The following HSF5 variants were observed in gnomAD, a reference collection of about 807,000 sequenced individuals.
The protein encoded by HSF5 is heat shock transcription factor 5, also known as heat shock factor protein 5.
In HSF5, 5 loss-of-function variants were observed where a neutral mutation model predicts 50.8. The observed-to-expected ratio is 0.10, with a 90% CI of 0.05 to 0.21. The LOEUF (loss-of-function observed/expected upper bound fraction) is 0.21, where lower values mean the gene tolerates loss of function less well. HSF5 is among the 10% of genes least tolerant of loss of function. The probability of loss-of-function intolerance (pLI) is 1.00; values close to 1 mark genes in which losing one functional copy is unlikely to be tolerated. For missense variants in HSF5, 564 were observed against 762.6 expected, an observed-to-expected ratio of 0.74 and a Z score of 3.07; for synonymous variants, 307 against 307.4, an observed-to-expected ratio of 1.00 and a Z score of 0.02.
intron 5 of HSF5, among the ~76,000 whole-genome samples, chr17:58,429,842 T>TAA (rs60957147): frequency 7.2e-4 from 96 of 133,674 alleles, no homozygotes; most frequent in Non-Finnish European, 8.7e-4. Flanking sequence ...CAAGACTCTG[T>TAA]AAAAAAAAAA....
At chr17:58,464,752 C>T (rs1337036195) in intron 3 of HSF5, among the ~76,000 whole-genome samples, 3 of 152,114 alleles carry the variant, frequency 2.0e-5, no homozygotes, top group Non-Finnish European at 4.4e-5. Flanking sequence ...CCTGCCTCAG[C>T]CTCCTGAGTA....
intron 5 of HSF5, among the ~76,000 whole-genome samples, chr17:58,425,321 G>T (rs761564282): frequency 6.6e-6 from 1 of 151,620 alleles, no homozygotes; most frequent in Non-Finnish European, 1.5e-5. Flanking sequence ...TCGGAAAATC[G>T]CTTGCATCTG....
intron 5 of HSF5, among the ~76,000 whole-genome samples, chr17:58,424,099 T>C (rs537408071): frequency 6.6e-6 from 1 of 152,322 alleles, no homozygotes; most frequent in South Asian, 2.1e-4. Context: ...CCTAGCCATA[T>C]AGAACAAGTA....
At chr17:58,444,837 A>C (rs2143752482) in intron 5 of HSF5, among the ~76,000 whole-genome samples, 1 of 152,354 alleles carries the variant, frequency 6.6e-6, no homozygotes, top group South Asian at 2.1e-4. Flanking sequence ...ATATTCGCTA[A>C]GGGGTTAATA....
chr17:58,477,006 C>G (rs1185813891), intron 2 of HSF5: 1 of 578,860 alleles, frequency 1.7e-6, no homozygotes, highest in Admixed American at 3.0e-5. Context: ...AACAGGCAGG[C>G]AGCTTCCCCC....
intron 5 of HSF5, among the ~76,000 whole-genome samples, chr17:58,427,280 T>C: frequency 6.6e-6 from 1 of 151,904 alleles, no homozygotes; most frequent in East Asian, 1.9e-4. Context: ...AAAATAAAAA[T>C]AAAAATGTCA....
At chr17:58,442,930 C>CA (rs1284149075) in intron 5 of HSF5, among the ~76,000 whole-genome samples, 3 of 149,398 alleles carry the variant, frequency 2.0e-5, no homozygotes, top group Admixed American at 6.7e-5. Flanking sequence ...TTTTTTGAGA[C>CA]AGAGTTTCGC....
Position 58,466,865 on chromosome 17 carries a change from C to T in HSF5, c.1020+20G>A. 6.8e-7 allele frequency: 1 copy of T among 1,464,898 alleles called. No homozygotes were observed. Among genetic ancestry groups the T allele is most frequent in the Non-Finnish European group, 9.6e-7 (1 of 1,044,134 alleles). The allele number at this position is 1,464,898 out of a possible 1,614,324, so 90.7% of individuals were successfully genotyped here. ...TTGCACATAAAGCGCGGAGCATGGCCACAGTTGCAAGAATCTTACCTGGAA... is the reference window on the plus strand; with the variant it reads ...TTGCACATAAAGCGCGGAGCATGGCTACAGTTGCAAGAATCTTACCTGGAA... On this transcript the variant is annotated intron_variant, in intron 3 of 5. Transcript: ENST00000323777.
intron 1 of HSF5, among the ~76,000 whole-genome samples, 179 bp downstream of exon 1, chr17:58,487,546 G>T (rs2143816983): frequency 6.6e-6 from 1 of 152,350 alleles, no homozygotes; most frequent in Admixed American, 6.5e-5. Flanking sequence ...TGCTGGTGCC[G>T]CTGAGAACGG....
chr17:58,478,257 C>A (rs1975045378), intron 2 of HSF5, among the ~76,000 whole-genome samples: 1 of 146,426 alleles, frequency 6.8e-6, no homozygotes, highest in African/African-American at 2.5e-5. Flanking sequence ...CATGGTGAAA[C>A]CCTGTCTCTA....
chr17:58,465,611 T>C (rs1197168675), intron 3 of HSF5, among the ~76,000 whole-genome samples: 1 of 114,152 alleles, frequency 8.8e-6, no homozygotes, highest in Non-Finnish European at 1.7e-5. Flanking sequence ...TGACTTCCTA[T>C]GTAGATTTTC....
chr17:58,484,033 T>G (rs1422876159), intron 1 of HSF5, among the ~76,000 whole-genome samples: 4 of 151,986 alleles, frequency 2.6e-5, no homozygotes, highest in Non-Finnish European at 5.9e-5. Context: ...CAAAACAAAG[T>G]TGTATTCTTG....
At chr17:58,443,947 T>C (rs1974527338) in intron 5 of HSF5, among the ~76,000 whole-genome samples, 2 of 152,196 alleles carry the variant, frequency 1.3e-5, no homozygotes, top group South Asian at 2.1e-4. Context: ...TTGTGCACTG[T>C]TTGTGAGATT....
In HSF5 at chr17:58,480,271, C is replaced by T. The variant is rs181813064; in HGVS notation, c.551-4G>A. The T allele has an allele frequency of 5.4e-4, 853 of 1,591,500 alleles. 8 individuals are homozygous for T. In the East Asian group the frequency reaches 0.011, roughly 20 times the overall value. Reference sequence around the variant, plus strand: ...AATTGTCCTACAGCCACTGGTCCTACATAAAAGAGGAAGAGCACATTTACT... The same window carrying T: ...AATTGTCCTACAGCCACTGGTCCTATATAAAAGAGGAAGAGCACATTTACT... On this transcript the variant is annotated splice_polypyrimidine_tract_variant and splice_region_variant and intron_variant, in intron 1 of 5. Transcript: ENST00000323777.
intron 1 of HSF5, among the ~76,000 whole-genome samples, chr17:58,484,205 G>GAAA (rs555852057): frequency 8.5e-6 from 1 of 118,206 alleles, no homozygotes. Context: ...GAATGGTAAG[G>GAAA]AAAAAAAAAA....
intron 3 of HSF5, among the ~76,000 whole-genome samples, chr17:58,466,615 G>C (rs1002716124): frequency 6.6e-6 from 1 of 152,102 alleles, no homozygotes; most frequent in East Asian, 1.9e-4. Flanking sequence ...TATAACTGAG[G>C]AATTTTTAAA....
intron 1 of HSF5, 27 bp downstream of exon 1, chr17:58,487,698 G>A: frequency 7.3e-7 from 1 of 1,370,756 alleles, no homozygotes; most frequent in Non-Finnish European, 9.3e-7. Flanking sequence ...CCCACTGTGG[G>A]CGAGGGCACG....
At chr17:58,422,482 A>T (rs1349548270) in intron 5 of HSF5, 52 bp from the exon 6 acceptor site, 1 of 1,468,362 alleles carries the variant, frequency 6.8e-7, no homozygotes, top group Admixed American at 1.9e-5. Flanking sequence ...AGAGTTCTAT[A>T]GACAAGTTTT....
In HSF5 at chr17:58,471,912, G is replaced by A. The variant is rs1258778205; in HGVS notation, c.926-4933C>T. Among the ~76,000 whole-genome samples, 20 of 152,054 alleles carry A rather than the reference G, an allele frequency of 1.3e-4. 1 individual carries two copies. Among genetic ancestry groups the A allele is most frequent in the Non-Finnish European group, 2.2e-4 (15 of 68,014 alleles). The stretch of plus-strand genomic sequence containing the variant: ...TCTGTTGCCGAGGCGGGAGTGCAGT[G>A]GCGCGATCTCAGCTCACTGCAGCCT... On this transcript the variant is annotated intron_variant, in intron 2 of 5. Coordinates refer to ENST00000323777, the MANE Select transcript of HSF5 (RefSeq NM_001080439.3).
Sources: gnomAD v4.1 joint callset for allele counts (sites outside exome capture counted in the v4.1 genomes callset) on GRCh38, gnomAD v4.1.1 for gene constraint, MANE v1.5 for transcripts, NCBI Gene and HGNC (gene_info 2026-07-23, HGNC 2026-07-21) for gene names.